CNTNAP2: variants seen among roughly 807,000 people sequenced by gnomAD.
CNTNAP2 encodes the protein contactin-associated protein-like 2.
Under a neutral mutation model 155.2 loss-of-function variants are expected in CNTNAP2, and 98 were observed. The observed-to-expected ratio is 0.63, with a 90% CI of 0.54 to 0.75. CNTNAP2 has a LOEUF of 0.75. Among genes scored for constraint, CNTNAP2 ranks in the 30% least tolerant of loss-of-function variants. The pLI is 0.00. For missense variants in CNTNAP2, 1,727 were observed against 1,688.1 expected (o/e 1.02, Z -0.40); for synonymous variants, 651 against 631.2 (o/e 1.03, Z -0.47).
chr7:147,865,370 A>G lies in CNTNAP2; in HGVS notation c.2099-38195A>G, dbSNP rs1436266437. On this transcript the variant is annotated intron_variant, in intron 13 of 23. Coordinates refer to ENST00000361727, the MANE Select transcript of CNTNAP2 (RefSeq NM_014141.6). ...ATTTCCCCATCGATGCTTACCAGGG[A>G]TATTGGTCTAAAATTCTCTTTTTTT... Among the ~76,000 whole-genome samples, 6 of 152,172 alleles carry G rather than the reference A, an allele frequency of 3.9e-5. No individual in the cohort carries two copies. In the South Asian group the frequency reaches 1.2e-3, roughly 32 times the overall value.
chr7:147,715,789 T>C (rs1277947233), intron 13 of CNTNAP2, among the ~76,000 whole-genome samples: 3 of 152,182 alleles, frequency 2.0e-5, no homozygotes, highest in African/African-American at 7.2e-5. Flanking sequence ...CTTGAAGATT[T>C]TCTCCTATTT....
At chr7:148,050,264 A>G (rs886979894) in intron 15 of CNTNAP2, among the ~76,000 whole-genome samples, 2 of 152,212 alleles carry the variant, frequency 1.3e-5, no homozygotes, top group African/African-American at 4.8e-5. Context: ...TGTGTGTGTC[A>G]CTGCCCCTGA....
chr7:146,290,499 G>A (rs1037030227), intron 1 of CNTNAP2, among the ~76,000 whole-genome samples: 3 of 152,090 alleles, frequency 2.0e-5, no homozygotes, highest in Non-Finnish European at 4.4e-5. Flanking sequence ...TTTCTGTATT[G>A]GTGTTAATTA....
chr7:146,716,830 C>A (rs73740813), intron 1 of CNTNAP2, among the ~76,000 whole-genome samples: 1 of 152,118 alleles, frequency 6.6e-6, no homozygotes, highest in Admixed American at 6.6e-5. Flanking sequence ...AAAGCTTAAG[C>A]GGGAGCTTGG....
At chr7:146,878,896 T>G (rs1395618481) in intron 3 of CNTNAP2, among the ~76,000 whole-genome samples, 7 of 152,172 alleles carry the variant, frequency 4.6e-5, no homozygotes, top group Admixed American at 3.3e-4. Flanking sequence ...TCTAACCCCT[T>G]ATTTTGTTTT....
chr7:146,533,805 A>G (rs1477395815), intron 1 of CNTNAP2, among the ~76,000 whole-genome samples: 3 of 152,050 alleles, frequency 2.0e-5, no homozygotes, highest in African/African-American at 7.2e-5. Context: ...TTTGCATGTA[A>G]TATTCAGTTT....
chr7:147,694,175 T>C (rs1584904017), intron 13 of CNTNAP2, among the ~76,000 whole-genome samples: 1 of 152,228 alleles, frequency 6.6e-6, no homozygotes, highest in East Asian at 1.9e-4. Flanking sequence ...TTTTAAATGT[T>C]GTACCAGTCT....
At chr7:147,240,932 A>G (rs890319714) in intron 8 of CNTNAP2, among the ~76,000 whole-genome samples, 1 of 152,154 alleles carries the variant, frequency 6.6e-6, no homozygotes, top group African/African-American at 2.4e-5. Flanking sequence ...TTTGGGGGTG[A>G]GGTGGGACAC....
chr7:146,363,269 G>A (rs1795110392), intron 1 of CNTNAP2, among the ~76,000 whole-genome samples: 1 of 152,150 alleles, frequency 6.6e-6, no homozygotes, highest in African/African-American at 2.4e-5. Flanking sequence ...AGGATTCAAG[G>A]CTGGGCAGTC....
chr7:147,027,190 TA>T (rs1289557332), intron 3 of CNTNAP2, among the ~76,000 whole-genome samples: 1 of 152,176 alleles, frequency 6.6e-6, no homozygotes, highest in Non-Finnish European at 1.5e-5. Context: ...TTTAAAGTTT[TA>T]TATTATTCAG....
intron 10 of CNTNAP2, among the ~76,000 whole-genome samples, chr7:147,444,725 G>T (rs1037847771): frequency 6.6e-6 from 1 of 152,116 alleles, no homozygotes; most frequent in South Asian, 2.1e-4. Flanking sequence ...AGCCAAAGAG[G>T]AACCAGGGAG....
chr7:146,640,757 T>G (rs553708494), intron 1 of CNTNAP2, among the ~76,000 whole-genome samples: 3 of 152,190 alleles, frequency 2.0e-5, no homozygotes, highest in Admixed American at 6.5e-5. Flanking sequence ...TAAAGCATCT[T>G]GACTGCGAAA....
chr7:148,402,639 T>C lies in CNTNAP2; in HGVS notation c.3716-6752T>C, dbSNP rs180821994. 5.3e-3 allele frequency among the ~76,000 whole-genome samples: 803 copies of C among 152,272 alleles called. 7 individuals are homozygous for C. Among genetic ancestry groups the C allele is most frequent in the African/African-American group, 0.018 (737 of 41,546 alleles). On this transcript the variant is annotated intron_variant, in intron 22 of 23. Coordinates refer to ENST00000361727, the MANE Select transcript of CNTNAP2 (RefSeq NM_014141.6). The stretch of plus-strand genomic sequence containing the variant: ...GATTTGAAAACAGAATAAAATGTAA[T>C]AAAACAAAGAAGCTAAGAACAAAGG...
chr7:146,288,096 T>A (rs1800366057), intron 1 of CNTNAP2, among the ~76,000 whole-genome samples: 1 of 151,990 alleles, frequency 6.6e-6, no homozygotes, highest in African/African-American at 2.4e-5. Context: ...GGAGGATTGC[T>A]TAAGACCAGC....
intron 1 of CNTNAP2, among the ~76,000 whole-genome samples, chr7:146,760,553 T>C (rs750210347): frequency 6.6e-6 from 1 of 150,546 alleles, no homozygotes; most frequent in African/African-American, 2.4e-5. Context: ...GCCTCCTAAG[T>C]AGCTGGCACT....
At chr7:146,888,436 A>G (rs1424662239) in intron 3 of CNTNAP2, among the ~76,000 whole-genome samples, 1 of 152,084 alleles carries the variant, frequency 6.6e-6, no homozygotes, top group African/African-American at 2.4e-5. Context: ...ATTTTACTCT[A>G]TCATTTCATA....
At chr7:148,111,253 A>C (rs1312017018) in intron 15 of CNTNAP2, among the ~76,000 whole-genome samples, 1 of 152,228 alleles carries the variant, frequency 6.6e-6, no homozygotes, top group Non-Finnish European at 1.5e-5. Context: ...GGGTGGCAGG[A>C]GGTCTGGGAA....
chr7:148,021,979 A>G (rs958731128), intron 15 of CNTNAP2, among the ~76,000 whole-genome samples: 3 of 152,112 alleles, frequency 2.0e-5, no homozygotes, highest in Non-Finnish European at 4.4e-5. Flanking sequence ...ATGGACCCAA[A>G]GGAACAGAAG....
At chr7:146,962,538 G>T (rs1797575280) in intron 3 of CNTNAP2, among the ~76,000 whole-genome samples, 3 of 152,028 alleles carry the variant, frequency 2.0e-5, no homozygotes, top group Admixed American at 2.0e-4. Flanking sequence ...AGTTAACATA[G>T]TTTTTTTGTT....
Sources: allele counts gnomAD v4.1 joint callset (sites outside exome capture counted in the v4.1 genomes callset), GRCh38; gene constraint gnomAD v4.1.1; transcripts MANE v1.5; gene names NCBI Gene and HGNC (gene_info 2026-07-23, HGNC 2026-07-21).